RSRC1: variants seen among roughly 807,000 people sequenced by gnomAD.
The protein encoded by RSRC1 is arginine and serine rich coiled-coil 1, also known as serine/Arginine-related protein 53.
Under a neutral mutation model 49.1 loss-of-function variants are expected in RSRC1, and 39 were observed. That is an observed-to-expected ratio of 0.79 (90% confidence interval 0.61 to 1.04). RSRC1 has a LOEUF of 1.04. RSRC1 is among the 50% of genes least tolerant of loss of function. The pLI is 0.00. For missense variants in RSRC1, 388 were observed against 402.4 expected, an observed-to-expected ratio of 0.96 and a Z score of 0.31; for synonymous variants, 143 against 130.8, an observed-to-expected ratio of 1.09 and a Z score of -0.63.
At chr3:158,457,759 T>C (rs1737416160) in intron 6 of RSRC1, among the ~76,000 whole-genome samples, 1 of 151,368 alleles carries the variant, frequency 6.6e-6, no homozygotes, top group Non-Finnish European at 1.5e-5. Flanking sequence ...TTTTGTTTGT[T>C]TTTTAATATA....
At chr3:158,262,113 T>A (rs1416247253) in intron 4 of RSRC1, among the ~76,000 whole-genome samples, 1 of 152,122 alleles carries the variant, frequency 6.6e-6, no homozygotes, top group Non-Finnish European at 1.5e-5. Flanking sequence ...TATTAGTAGT[T>A]TTTGAGTTTT....
chr3:158,327,490 T>C (rs1424932665), intron 5 of RSRC1, among the ~76,000 whole-genome samples: 4 of 152,300 alleles, frequency 2.6e-5, no homozygotes, highest in Admixed American at 6.5e-5. Flanking sequence ...TCATTATGTA[T>C]CGAGTAGTCA....
intron 6 of RSRC1, among the ~76,000 whole-genome samples, chr3:158,409,771 G>A (rs891017232): frequency 8.5e-5 from 13 of 152,094 alleles, no homozygotes; most frequent in African/African-American, 3.1e-4. Context: ...GATGAGTTGT[G>A]CTGTGAATGA....
intron 5 of RSRC1, among the ~76,000 whole-genome samples, chr3:158,340,150 C>A (rs1177517610): frequency 6.6e-6 from 1 of 152,132 alleles, no homozygotes; most frequent in Admixed American, 6.5e-5. Context: ...ATCATGGGGG[C>A]TGGTCTTTCC....
At chr3:158,443,895 G>A (rs1736526076) in intron 6 of RSRC1, among the ~76,000 whole-genome samples, 1 of 152,124 alleles carries the variant, frequency 6.6e-6, no homozygotes. Context: ...GTATTGTTGT[G>A]TCTCAGGGAA....
At chr3:158,311,584 T>C (rs1728131422) in intron 5 of RSRC1, among the ~76,000 whole-genome samples, 1 of 151,978 alleles carries the variant, frequency 6.6e-6, no homozygotes. Context: ...TCTACACACA[T>C]ACTGTAAGAG....
intron 4 of RSRC1, among the ~76,000 whole-genome samples, chr3:158,287,225 A>G (rs1212563111): frequency 6.6e-6 from 1 of 152,208 alleles, no homozygotes; most frequent in Admixed American, 6.5e-5. Context: ...TATTGCTTTT[A>G]TGAAATTATT....
chr3:158,518,095 C>CAT (rs1553820425), intron 7 of RSRC1, among the ~76,000 whole-genome samples: 24 of 77,394 alleles, frequency 3.1e-4, no homozygotes, highest in Non-Finnish European at 3.7e-4. Flanking sequence ...TAAGTGCGTG[C>CAT]GTGTGTGTGT....
chr3:158,202,969 C>A, intron 3 of RSRC1, 103 bp from the exon 4 acceptor site: 1 of 840,892 alleles, frequency 1.2e-6, no homozygotes, highest in Non-Finnish European at 1.8e-6. Context: ...TCTGAGTCCA[C>A]AACTAAAACT....
intron 5 of RSRC1, among the ~76,000 whole-genome samples, chr3:158,299,280 G>T (rs147058382): frequency 6.6e-6 from 1 of 152,076 alleles, no homozygotes; most frequent in East Asian, 1.9e-4. Context: ...AGGAAGAACA[G>T]CTATCATAGT....
intron 6 of RSRC1, among the ~76,000 whole-genome samples, chr3:158,455,949 C>T (rs1027776253): frequency 3.2e-5 from 4 of 124,880 alleles, no homozygotes; most frequent in African/African-American, 1.2e-4. Context: ...CATTGCACTC[C>T]AGCCTGGGGG....
rs1443713607 is a variant in RSRC1 at position 158,543,987 on chromosome 3, G to T, written c.913-196G>T. 2.0e-5 allele frequency among the ~76,000 whole-genome samples: 3 copies of T among 152,068 alleles called. No individual in the cohort carries two copies. The East Asian group carries it at 5.8e-4, about 29-fold the overall frequency. Reference sequence around the variant, plus strand: ...TTAAGCAATGATGTTGATACTAGTAGTTCTTTTACTCCAAGAATTTCTGAG... The same window carrying T: ...TTAAGCAATGATGTTGATACTAGTATTTCTTTTACTCCAAGAATTTCTGAG... On this transcript the variant is annotated intron_variant, in intron 9 of 9. Transcript: ENST00000611884.
At chr3:158,541,005 G>A (rs1713001436) in intron 8 of RSRC1, among the ~76,000 whole-genome samples, 1 of 152,196 alleles carries the variant, frequency 6.6e-6, no homozygotes, top group South Asian at 2.1e-4. Context: ...CTGCTGTGGT[G>A]CTGGGAAGTG....
At chr3:158,325,870 G>A (rs1186438562) in intron 5 of RSRC1, among the ~76,000 whole-genome samples, 2 of 152,160 alleles carry the variant, frequency 1.3e-5, no homozygotes, top group Admixed American at 1.3e-4. Flanking sequence ...AGCATGGAAT[G>A]TTCTTCCATT....
At chr3:158,237,992 T>G (rs965592368) in intron 4 of RSRC1, among the ~76,000 whole-genome samples, 2 of 152,230 alleles carry the variant, frequency 1.3e-5, no homozygotes, top group African/African-American at 4.8e-5. Flanking sequence ...TAAAATCTCC[T>G]TAAGCTGATA....
intron 3 of RSRC1, among the ~76,000 whole-genome samples, chr3:158,201,609 C>A (rs376780865): frequency 6.6e-6 from 1 of 152,094 alleles, no homozygotes; most frequent in South Asian, 2.1e-4. Context: ...TATACAGATT[C>A]TTTCCTCTGT....
chr3:158,239,064 A>G (rs896747253), intron 4 of RSRC1, among the ~76,000 whole-genome samples: 11 of 152,218 alleles, frequency 7.2e-5, no homozygotes, highest in Admixed American at 6.5e-4. Context: ...ATGAACAGAC[A>G]CTTCTCAAAA....
At chr3:158,195,232 A>C (rs1001691270) in intron 3 of RSRC1, among the ~76,000 whole-genome samples, 1 of 151,878 alleles carries the variant, frequency 6.6e-6, no homozygotes, top group African/African-American at 2.4e-5. Context: ...TTTGATTTGC[A>C]TTTCTCTGAT....
intron 7 of RSRC1, among the ~76,000 whole-genome samples, chr3:158,535,354 A>G (rs928193933): frequency 2.0e-5 from 3 of 151,494 alleles, no homozygotes; most frequent in African/African-American, 4.8e-5. Flanking sequence ...AGATTTTTAG[A>G]GTAAGAAAAA....
Sources: allele counts gnomAD v4.1 joint callset (sites outside exome capture counted in the v4.1 genomes callset), GRCh38; gene constraint gnomAD v4.1.1; transcripts MANE v1.5; gene names NCBI Gene and HGNC (gene_info 2026-07-23, HGNC 2026-07-21).